The following CAMTA1 variants were observed in gnomAD, a reference collection of about 807,000 sequenced individuals.
CAMTA1 encodes calmodulin binding transcription activator 1.
In CAMTA1, 27 loss-of-function variants were observed where a neutral mutation model predicts 170.9. The observed-to-expected ratio is 0.16, with a 90% CI of 0.12 to 0.22. The LOEUF is 0.22. CAMTA1 is among the 10% of genes least tolerant of loss of function. CAMTA1 has a pLI of 1.00. For missense variants in CAMTA1, 1,619 were observed against 2,217.2 expected, an observed-to-expected ratio of 0.73 and a Z score of 5.42; for synonymous variants, 833 against 891.5, an observed-to-expected ratio of 0.93 and a Z score of 1.17.
At chr1:7,474,522 G>T (rs1460980819) in intron 6 of CAMTA1, among the ~76,000 whole-genome samples, 1 of 152,238 alleles carries the variant, frequency 6.6e-6, no homozygotes, top group Non-Finnish European at 1.5e-5. Flanking sequence ...GCACCAGGTA[G>T]ACCTGTAAGT....
rs74053186 is a variant in CAMTA1 at position 7,673,791 on chromosome 1, A to C, written c.2779+2754A>C. The stretch of plus-strand genomic sequence containing the variant: ...TCTGTAAAACAGCACTGGATGTATT[A>C]ATTCATTCATTCATTTCTTCATTTG... On this transcript the variant is annotated intron_variant, in intron 10 of 22. Coordinates refer to ENST00000303635, the MANE Select transcript of CAMTA1 (RefSeq NM_015215.4). The surrounding 1 kb of genome is among the most constrained non-coding windows in gnomAD (Gnocchi z 4.6). Among the ~76,000 whole-genome samples the C allele has an allele frequency of 0.04, 2,897 of 72,054 alleles. 96 individuals are homozygous for C. The highest frequency in any genetic ancestry group is 0.12 in the African/African-American group (2,711 of 23,552). 47.3% of individuals were successfully genotyped at this position (72,054 alleles called of 152,430 possible). A position where few individuals can be genotyped will look rare whatever the true frequency, so the allele number is the denominator to read the frequency against.
intron 5 of CAMTA1, among the ~76,000 whole-genome samples, chr1:7,450,719 A>G (rs1000704275): frequency 6.6e-6 from 1 of 152,246 alleles, no homozygotes; most frequent in Admixed American, 6.5e-5. Flanking sequence ...TTATACATCC[A>G]GGAAATTTGT....
chr1:7,658,783 A>G (rs1251324540), intron 7 of CAMTA1, among the ~76,000 whole-genome samples: 1 of 152,168 alleles, frequency 6.6e-6, no homozygotes, highest in East Asian at 1.9e-4. Context: ...TCCCATAGCT[A>G]TGATGAGGTT....
intron 3 of CAMTA1, among the ~76,000 whole-genome samples, chr1:6,850,920 T>C (rs1203239638): frequency 6.6e-6 from 1 of 152,168 alleles, no homozygotes; most frequent in Admixed American, 6.5e-5. Context: ...GAAGTCCAGC[T>C]CCAGACCCTC....
chr1:7,428,637 A>G (rs994561356), intron 5 of CAMTA1, among the ~76,000 whole-genome samples: 1 of 152,078 alleles, frequency 6.6e-6, no homozygotes, highest in Non-Finnish European at 1.5e-5. Flanking sequence ...AGTCATCCAG[A>G]GCACCTGGCT....
At chr1:6,907,726 C>T (rs1678844364) in intron 3 of CAMTA1, among the ~76,000 whole-genome samples, 1 of 152,174 alleles carries the variant, frequency 6.6e-6, no homozygotes, top group Non-Finnish European at 1.5e-5. Context: ...GGAGGAGTGC[C>T]CTCAGCCACT....
At chr1:7,477,941 G>C (rs577198901) in intron 6 of CAMTA1, among the ~76,000 whole-genome samples, 9 of 152,220 alleles carry the variant, frequency 5.9e-5, no homozygotes, top group African/African-American at 2.2e-4. Context: ...AGAGCCAAAG[G>C]TTTTGAATTC....
At chr1:6,837,174 G>A (rs922071922) in intron 3 of CAMTA1, among the ~76,000 whole-genome samples, 1 of 151,974 alleles carries the variant, frequency 6.6e-6, no homozygotes, top group Admixed American at 6.6e-5. Context: ...GCCAGGATGG[G>A]CTCGATCTCC....
At chr1:7,612,167 G>A (rs114870510) in intron 6 of CAMTA1, among the ~76,000 whole-genome samples, 232 of 152,280 alleles carry the variant, frequency 1.5e-3, no homozygotes, top group African/African-American at 5.1e-3. Context: ...CTTCTTGTCC[G>A]GTATCCCAGA....
intron 4 of CAMTA1, among the ~76,000 whole-genome samples, chr1:7,096,453 C>T (rs1052828670): frequency 4.6e-5 from 7 of 152,166 alleles, no homozygotes; most frequent in South Asian, 2.1e-4. Context: ...TCTGTCTCCC[C>T]GGCACCTGCA....
chr1:7,121,298 T>C lies in CAMTA1; in HGVS notation c.302+29927T>C, dbSNP rs77470498. ...TGTGTAATTGAAAGGCCCCGTGGGA[T>C]CCCAGTAGGGCATTCTGATGGGTGC... On this transcript the variant is annotated intron_variant, in intron 4 of 22. Transcript: ENST00000303635. 3.7e-3 allele frequency among the ~76,000 whole-genome samples: 566 copies of C among 152,300 alleles called. 2 individuals carry two copies. Among genetic ancestry groups the C allele is most frequent in the African/African-American group, 0.013 (525 of 41,542 alleles).
At chr1:7,086,936 G>T (rs1015153693) in intron 3 of CAMTA1, among the ~76,000 whole-genome samples, 1 of 152,192 alleles carries the variant, frequency 6.6e-6, no homozygotes, top group African/African-American at 2.4e-5. Context: ...TTTTGCCCCA[G>T]CCTCCTATGA....
At chr1:7,271,509 A>T (rs1026819709) in intron 5 of CAMTA1, among the ~76,000 whole-genome samples, 1 of 152,102 alleles carries the variant, frequency 6.6e-6, no homozygotes. Context: ...TGAAACCAGA[A>T]GTTGATACTC....
intron 6 of CAMTA1, among the ~76,000 whole-genome samples, chr1:7,473,956 G>T (rs1247433390): frequency 1.3e-5 from 2 of 152,230 alleles, no homozygotes; most frequent in Non-Finnish European, 2.9e-5. Flanking sequence ...GCTGTGTCAG[G>T]TCTAGGCATC....
chr1:6,853,700 A>C (rs950582105), intron 3 of CAMTA1, among the ~76,000 whole-genome samples: 1 of 152,230 alleles, frequency 6.6e-6, no homozygotes, highest in African/African-American at 2.4e-5. Flanking sequence ...TCAAGGATGT[A>C]GAAAAGTTGA....
intron 4 of CAMTA1, among the ~76,000 whole-genome samples, chr1:7,149,108 G>T (rs920274422): frequency 5.9e-5 from 9 of 152,188 alleles, no homozygotes; most frequent in African/African-American, 2.2e-4. Context: ...GGGCGTAGGG[G>T]CTTCTCTGGG....
intron 4 of CAMTA1, among the ~76,000 whole-genome samples, chr1:7,236,001 C>T (rs1427349083): frequency 6.6e-6 from 1 of 152,174 alleles, no homozygotes; most frequent in Non-Finnish European, 1.5e-5. Flanking sequence ...CAGCCTGGGC[C>T]GGGCCTGTCA....
chr1:7,765,589 A>AGG (rs2097015200), intron 22 of CAMTA1, among the ~76,000 whole-genome samples: 1 of 152,190 alleles, frequency 6.6e-6, no homozygotes, highest in South Asian at 2.1e-4. Flanking sequence ...GTGGAATGGG[A>AGG]GGAAAGTAAG....
chr1:7,397,129 T>C (rs2089379260), intron 5 of CAMTA1, among the ~76,000 whole-genome samples: 1 of 152,206 alleles, frequency 6.6e-6, no homozygotes, highest in African/African-American at 2.4e-5. Flanking sequence ...TCCTGGACTT[T>C]TCTTTGATAG....
Sources: allele counts gnomAD v4.1 joint callset (sites outside exome capture counted in the v4.1 genomes callset), GRCh38; gene constraint gnomAD v4.1.1; non-coding constraint Gnocchi (gnomAD v3.1); transcripts MANE v1.5; gene names NCBI Gene and HGNC (gene_info 2026-07-23, HGNC 2026-07-21).